Variants in FUNDC1 observed in about 807,000 individuals in gnomAD.
FUNDC1 encodes the protein FUN14 domain-containing protein 1.
A neutral mutation model predicts 14.5 loss-of-function variants in FUNDC1; 10 were observed. The observed-to-expected ratio is 0.69, with a 90% CI of 0.43 to 1.17. The LOEUF is 1.17. Among genes scored for constraint, FUNDC1 ranks in the 50% most tolerant of loss-of-function variants. FUNDC1 has a pLI of 0.00. For synonymous variants in FUNDC1, 33 were observed against 39.7 expected (o/e 0.83, Z 0.64); for missense variants, 115 against 113.8 (o/e 1.01, Z -0.05).
chrX:44,537,332 C>T (rs1175685655), intron 3 of FUNDC1, among the ~76,000 whole-genome samples: 2 of 111,887 alleles, frequency 1.8e-5, no homozygotes, highest in African/African-American at 6.5e-5. Context: ...CCCTTTTACA[C>T]TAACAGAAAT....
At chrX:44,538,978 T>C (rs749188560) in intron 2 of FUNDC1, among the ~76,000 whole-genome samples, 41 of 111,485 alleles carry the variant, frequency 3.7e-4, no homozygotes, top group African/African-American at 1.3e-3. Context: ...TCATCACCTT[T>C]GCTCAAGCTA....
At chrX:44,530,195 C>A (rs1396307538) in intron 3 of FUNDC1, among the ~76,000 whole-genome samples, 1 of 112,161 alleles carries the variant, frequency 8.9e-6, no homozygotes, top group Non-Finnish European at 1.9e-5. Context: ...GGGAATGGGG[C>A]AGTGATGACT....
chrX:44,530,331 C>T (rs1285803628), intron 3 of FUNDC1, among the ~76,000 whole-genome samples: 2 of 112,288 alleles, frequency 1.8e-5, no homozygotes, highest in East Asian at 2.8e-4. Context: ...CCAGGCCGGG[C>T]TCCGTGGCTC....
intron 4 of FUNDC1, among the ~76,000 whole-genome samples, chrX:44,526,544 A>G (rs1004766244): frequency 8.1e-5 from 9 of 110,971 alleles, no homozygotes. Flanking sequence ...TAGAAGATAC[A>G]TACTGAAGTA....
intron 2 of FUNDC1, among the ~76,000 whole-genome samples, chrX:44,538,766 G>A (rs1322250398): frequency 9.0e-6 from 1 of 111,461 alleles, no homozygotes; most frequent in Non-Finnish European, 1.9e-5. Flanking sequence ...GGGACGGAGA[G>A]AAGAGGAGGA....
chrX:44,526,150 G>A lies in FUNDC1; in HGVS notation c.390+1087C>T, dbSNP rs1311667138. On this transcript the variant is annotated intron_variant, in intron 4 of 4. Transcript: ENST00000378045. ...AAAAAAAAACAAAAAAAAACAGTTG[G>A]CCGGGCCTGGTGGCTCACGCCCCTA... Among the ~76,000 whole-genome samples, 3 of 109,988 alleles carry A rather than the reference G, an allele frequency of 2.7e-5. No homozygotes were observed. The East Asian group carries it at 8.6e-4, about 32-fold the overall frequency.
At chrX:44,529,877 C>T (rs139843904) in intron 3 of FUNDC1, among the ~76,000 whole-genome samples, 2 of 112,480 alleles carry the variant, frequency 1.8e-5, no homozygotes, top group African/African-American at 6.4e-5. Context: ...TGAAGTCTCA[C>T]TATGTTGCCC....
intron 4 of FUNDC1, 142 bp downstream of exon 4, chrX:44,527,095 A>T: frequency 2.7e-6 from 1 of 369,716 alleles, no homozygotes; most frequent in Non-Finnish European, 4.4e-6. Context: ...CTCAAATTTT[A>T]CTTAACACTC....
At chrX:44,532,529 A>ATATGTG (rs1555922361) in intron 3 of FUNDC1, among the ~76,000 whole-genome samples, 2 of 105,924 alleles carry the variant, frequency 1.9e-5, no homozygotes, top group East Asian at 2.9e-4. Context: ...AAATATATAT[A>ATATGTG]TGTGTGTGTG....
chrX:44,529,853 A>AAGAG (rs990062325), intron 3 of FUNDC1, among the ~76,000 whole-genome samples: 4 of 111,980 alleles, frequency 3.6e-5, no homozygotes, highest in African/African-American at 1.3e-4. Flanking sequence ...TGCCTTAAAA[A>AAGAG]AGAGAGAGAG....
At chrX:44,532,529 A>G (rs984033873) in intron 3 of FUNDC1, among the ~76,000 whole-genome samples, 2 of 105,922 alleles carry the variant, frequency 1.9e-5, no homozygotes, top group East Asian at 2.9e-4. Flanking sequence ...AAATATATAT[A>G]TGTGTGTGTG....
chrX:44,531,262 AC>A (rs1383701953), intron 3 of FUNDC1, among the ~76,000 whole-genome samples: 1 of 71,078 alleles, frequency 1.4e-5, no homozygotes, highest in African/African-American at 9.0e-5. Flanking sequence ...ACACACACAC[AC>A]ACACACACAC....
chrX:44,538,394 C>A, intron 3 of FUNDC1, 73 bp downstream of exon 3: 1 of 765,403 alleles, frequency 1.3e-6, no homozygotes, highest in Non-Finnish European at 2.0e-6. Flanking sequence ...GTAGCTCTTC[C>A]ATAAACTGAT....
chrX:44,526,134 C>A (rs768032486), intron 4 of FUNDC1, among the ~76,000 whole-genome samples: 26 of 97,170 alleles, frequency 2.7e-4, no homozygotes, highest in African/African-American at 9.6e-4. Flanking sequence ...AAAAAAAAAA[C>A]AAAAAAAAAC....
intron 3 of FUNDC1, among the ~76,000 whole-genome samples, chrX:44,536,321 A>G (rs1234448404): frequency 3.8e-5 from 3 of 78,051 alleles, no homozygotes; most frequent in African/African-American, 1.4e-4. Flanking sequence ...TCTGTCTCGA[A>G]AAAAAAAAAA....
intron 3 of FUNDC1, among the ~76,000 whole-genome samples, chrX:44,536,044 G>A (rs1165984734): frequency 2.9e-5 from 3 of 104,256 alleles, no homozygotes; most frequent in South Asian, 4.3e-4. Flanking sequence ...GGTGGCTCAC[G>A]CCTGTAATCC....
At chrX:44,530,728 C>T (rs1233680555) in intron 3 of FUNDC1, among the ~76,000 whole-genome samples, 2 of 110,617 alleles carry the variant, frequency 1.8e-5, no homozygotes, top group Non-Finnish European at 3.8e-5. Flanking sequence ...TCAGCCATGT[C>T]AACATGGTGA....
intron 3 of FUNDC1, among the ~76,000 whole-genome samples, chrX:44,528,993 C>T (rs2038912573): frequency 8.9e-6 from 1 of 112,250 alleles, no homozygotes; most frequent in East Asian, 2.8e-4. Context: ...CCGCGCCCGG[C>T]AGAACAAAAA....
rs558940695 is a variant in FUNDC1, at chrX:44,539,480, G to A, written c.186-938C>T. On this transcript the variant is annotated intron_variant, in intron 2 of 4. Transcript: ENST00000378045. ...GACATGTGAGGACAACAGAGGCAGA[G>A]ACTGGAGTAATACGTCTACAAGCCA... Among the ~76,000 whole-genome samples, 23 of 111,116 alleles carry A rather than the reference G, an allele frequency of 2.1e-4. No individual in the cohort carries two copies. In the South Asian group the frequency reaches 8.4e-3, roughly 40 times the overall value.
Sources: allele counts gnomAD v4.1 joint callset (sites outside exome capture counted in the v4.1 genomes callset), GRCh38; gene constraint gnomAD v4.1.1; transcripts MANE v1.5; gene names NCBI Gene and HGNC (gene_info 2026-07-23, HGNC 2026-07-21).